The following KCND3 variants were observed in gnomAD, a reference collection of about 807,000 sequenced individuals.
KCND3 encodes A-type voltage-gated potassium channel KCND3.
Under a neutral mutation model 51.1 loss-of-function variants are expected in KCND3, and 9 were observed. The ratio of observed to expected loss-of-function variants is 0.18; its 90% CI spans 0.11 to 0.31. The LOEUF (loss-of-function observed/expected upper bound fraction) is 0.31. Ranked by LOEUF, KCND3 falls within the 10% of genes least tolerant of loss-of-function variation. KCND3 has a pLI of 1.00. For synonymous variants in KCND3, 349 were observed against 368.0 expected (o/e 0.95, Z 0.59); for missense variants, 526 against 903.8 (o/e 0.58, Z 5.36).
At chr1:111,789,086 C>T (rs1664724946) in intron 2 of KCND3, among the ~76,000 whole-genome samples, 1 of 152,160 alleles carries the variant, frequency 6.6e-6, no homozygotes. Flanking sequence ...GGCCTGTGGG[C>T]ACAGGGCTGT....
intron 2 of KCND3, among the ~76,000 whole-genome samples, chr1:111,930,163 T>A (rs1187310826): frequency 6.6e-6 from 1 of 152,094 alleles, no homozygotes; most frequent in East Asian, 1.9e-4. Context: ...GTTTTTGTTT[T>A]TTTTTTTTCT....
intron 2 of KCND3, among the ~76,000 whole-genome samples, chr1:111,965,793 TCAGTATGTTTGATCCA>T (rs2101944885): frequency 6.6e-6 from 1 of 152,066 alleles, no homozygotes; most frequent in East Asian, 1.9e-4. Context: ...GTTTTATCCT[TCAGTATGTTTGATCCA>T]CACATGTGCA....
intron 2 of KCND3, among the ~76,000 whole-genome samples, chr1:111,929,644 T>C (rs781045549): frequency 3.3e-5 from 5 of 152,070 alleles, no homozygotes; most frequent in African/African-American, 7.2e-5. Flanking sequence ...CAGAAAAAAG[T>C]GTGTGAAGAG....
chr1:111,950,919 C>T (rs1673028164), intron 2 of KCND3, among the ~76,000 whole-genome samples: 1 of 152,140 alleles, frequency 6.6e-6, no homozygotes. Context: ...GCCTGTAATC[C>T]CAGCACTTTG....
At chr1:111,965,240 AC>A (rs1438632070) in intron 2 of KCND3, among the ~76,000 whole-genome samples, 17 of 151,870 alleles carry the variant, frequency 1.1e-4, no homozygotes, top group Non-Finnish European at 2.9e-5. Context: ...TCATCTAAGG[AC>A]CAGAAGATCC....
rs1669801640 is a variant in KCND3, at chr1:111,891,125, G to C, written c.1106+90496C>G. Among the ~76,000 whole-genome samples the C allele has an allele frequency of 2.0e-5, 3 of 152,148 alleles. No individual in the cohort carries two copies. The South Asian group carries it at 6.2e-4, about 32-fold the overall frequency. On this transcript the variant is annotated intron_variant, in intron 2 of 7. Transcript: ENST00000302127. ...TAGGCAAGTTGTTTAACCTTTCTTT[G>C]CCCTATTTCCTAAATCTGAGGCCAC...
intron 2 of KCND3, among the ~76,000 whole-genome samples, chr1:111,915,527 A>T (rs10857914): frequency 1.3e-5 from 2 of 151,674 alleles, no homozygotes; most frequent in African/African-American, 2.4e-5. Flanking sequence ...CCGAGGTGGG[A>T]GGATCACGAG....
chr1:111,796,122 T>C (rs1665044963), intron 2 of KCND3, among the ~76,000 whole-genome samples: 1 of 152,244 alleles, frequency 6.6e-6, no homozygotes, highest in Non-Finnish European at 1.5e-5. Flanking sequence ...AACATTTTTT[T>C]CCCATTCTGT....
At chr1:111,837,647 C>T (rs34634137) in intron 2 of KCND3, among the ~76,000 whole-genome samples, 1,732 of 152,178 alleles carry the variant, frequency 0.011, 19 homozygotes, top group African/African-American at 0.025. Context: ...TCCCAAGGGC[C>T]GTCGATGAAG....
At position 111,848,995 on chromosome 1, in the gene KCND3, T is replaced by A. The variant is rs139408123; in HGVS notation, c.1107-61889A>T. ...AGTTCTCTCCTGCCCCTCCCTCTCC[T>A]TTCCTCCTCTCTGATTCCTCTCCTT... On this transcript the variant is annotated intron_variant, in intron 2 of 7. Transcript: ENST00000302127. Among the ~76,000 whole-genome samples the A allele has an allele frequency of 3.9e-5, 6 of 152,238 alleles. No homozygotes were observed. The East Asian group carries it at 1.2e-3, about 29-fold the overall frequency.
chr1:111,950,771 G>T (rs1419394383), intron 2 of KCND3, among the ~76,000 whole-genome samples: 1 of 152,228 alleles, frequency 6.6e-6, no homozygotes, highest in East Asian at 1.9e-4. Flanking sequence ...TTATGGCAGA[G>T]AGCTGTGGGT....
chr1:111,879,339 C>T (rs760993893), intron 2 of KCND3, among the ~76,000 whole-genome samples: 19 of 152,124 alleles, frequency 1.2e-4, no homozygotes, highest in Admixed American at 3.3e-4. Context: ...TGCATGTAAC[C>T]GGTGGTTCTG....
chr1:111,894,698 A>C (rs1458064053), intron 2 of KCND3, among the ~76,000 whole-genome samples: 2 of 152,324 alleles, frequency 1.3e-5, no homozygotes, highest in African/African-American at 4.8e-5. Flanking sequence ...TGCAAATGGC[A>C]GGGTCATCAG....
At chr1:111,892,641 A>G (rs1442181231) in intron 2 of KCND3, among the ~76,000 whole-genome samples, 3 of 152,260 alleles carry the variant, frequency 2.0e-5, no homozygotes, top group Non-Finnish European at 2.9e-5. Flanking sequence ...GAACACATAC[A>G]TGAAAGATAA....
rs571178176 is a variant in KCND3, at chr1:111,944,460, G to A, written c.1106+37161C>T. On this transcript the variant is annotated intron_variant, in intron 2 of 7. Coordinates refer to ENST00000302127, the MANE Select transcript of KCND3 (RefSeq NM_001378969.1). Reference sequence around the variant, plus strand: ...CAAGGAGACTCCCTCTGGAGGCTCCGTCTGGCCCAAGACTCCCTCTGTCAT... The same window carrying A: ...CAAGGAGACTCCCTCTGGAGGCTCCATCTGGCCCAAGACTCCCTCTGTCAT... Among the ~76,000 whole-genome samples the A allele has an allele frequency of 4.6e-5, 7 of 152,200 alleles. No individual in the cohort carries two copies. In the East Asian group the frequency reaches 7.7e-4, roughly 17 times the overall value.
At chr1:111,882,545 C>T (rs913291792) in intron 2 of KCND3, among the ~76,000 whole-genome samples, 1 of 152,182 alleles carries the variant, frequency 6.6e-6, no homozygotes, top group Non-Finnish European at 1.5e-5. Flanking sequence ...TGACAGTGTG[C>T]AACGGAGTCT....
chr1:111,941,646 C>G (rs1672525859), intron 2 of KCND3, among the ~76,000 whole-genome samples: 1 of 152,136 alleles, frequency 6.6e-6, no homozygotes, highest in African/African-American at 2.4e-5. Context: ...AGATGACAGG[C>G]AGCCAGAGGC....
At chr1:111,910,007 T>A (rs978620445) in intron 2 of KCND3, 9 of 152,246 alleles carry the variant, frequency 5.9e-5, no homozygotes, top group Admixed American at 5.9e-4. Context: ...AGGTTTCACG[T>A]TTTGGCGAGC....
chr1:111,910,025 G>A lies in KCND3; in HGVS notation c.1106+71596C>T, dbSNP rs1476871763. 5 of 152,242 alleles carry A rather than the reference G, an allele frequency of 3.3e-5. No homozygotes were observed. The South Asian group carries it at 6.2e-4, about 19-fold the overall frequency. The allele number at this position is 152,242 out of a possible 1,614,324, so 9.4% of individuals were successfully genotyped here. On this transcript the variant is annotated intron_variant, in intron 2 of 7. Coordinates refer to ENST00000302127, the MANE Select transcript of KCND3 (RefSeq NM_001378969.1). The stretch of plus-strand genomic sequence containing the variant: ...TTTCACGTTTTGGCGAGCAAATGCA[G>A]CAGGAATAAATTTTCAGTGGCCTGG...
Sources: allele counts gnomAD v4.1 joint callset (sites outside exome capture counted in the v4.1 genomes callset), GRCh38; gene constraint gnomAD v4.1.1; transcripts MANE v1.5; gene names NCBI Gene and HGNC (gene_info 2026-07-23, HGNC 2026-07-21).